The following UBE3C variants were observed in gnomAD, a reference collection of about 807,000 sequenced individuals.
UBE3C encodes ubiquitin-protein ligase E3C.
Under a neutral mutation model 129.4 loss-of-function variants are expected in UBE3C, and 42 were observed. The observed-to-expected ratio is 0.32, with a 90% CI of 0.25 to 0.42. UBE3C has a LOEUF of 0.42. Ranked by LOEUF, UBE3C falls within the 10% of genes least tolerant of loss-of-function variation. The pLI is 1.00. For missense variants in UBE3C, 1,049 were observed against 1,319.1 expected (o/e 0.80, Z 3.17); for synonymous variants, 510 against 492.4 (o/e 1.04, Z -0.47).
intron 22 of UBE3C, among the ~76,000 whole-genome samples, chr7:157,265,032 C>T (rs1797039733): frequency 6.6e-6 from 1 of 152,080 alleles, no homozygotes; most frequent in African/African-American, 2.4e-5. Flanking sequence ...AGTTTACTTT[C>T]TGTTTTTTAG....
chr7:157,242,412 C>T (rs1796355296), intron 18 of UBE3C, among the ~76,000 whole-genome samples: 1 of 151,864 alleles, frequency 6.6e-6, no homozygotes, highest in African/African-American at 2.4e-5. Flanking sequence ...TTTTATTCTC[C>T]TATATGGCAA....
At chr7:157,251,873 G>A (rs920607491) in intron 19 of UBE3C, among the ~76,000 whole-genome samples, 3 of 152,232 alleles carry the variant, frequency 2.0e-5, no homozygotes, top group South Asian at 2.1e-4. Context: ...AGTGGCTCAC[G>A]GCTGTAATCC....
At chr7:157,140,410 G>C (rs1807410142) in intron 1 of UBE3C, among the ~76,000 whole-genome samples, 1 of 152,170 alleles carries the variant, frequency 6.6e-6, no homozygotes. Context: ...TAATTTTTCA[G>C]CTTTGAGGTT....
At chr7:157,257,931 C>A (rs551769656) in intron 22 of UBE3C, among the ~76,000 whole-genome samples, 5 of 147,376 alleles carry the variant, frequency 3.4e-5, no homozygotes, top group African/African-American at 1.3e-4. Flanking sequence ...CATTCACTTT[C>A]TTTTTTCCTT....
chr7:157,238,101 A>G (rs1426189914), intron 18 of UBE3C, among the ~76,000 whole-genome samples: 1 of 152,196 alleles, frequency 6.6e-6, no homozygotes, highest in Non-Finnish European at 1.5e-5. Context: ...TTAAATATTC[A>G]ATTTAATTTA....
chr7:157,192,461 G>A, intron 10 of UBE3C: 1 of 749,760 alleles, frequency 1.3e-6, no homozygotes, highest in Non-Finnish European at 2.5e-6. Flanking sequence ...CAAGATCCAG[G>A]ATAAGGAAGG....
intron 1 of UBE3C, among the ~76,000 whole-genome samples, chr7:157,156,698 A>C (rs1047229164): frequency 2.8e-5 from 4 of 141,376 alleles, no homozygotes; most frequent in Non-Finnish European, 4.5e-5. Flanking sequence ...ATAGGTGTGT[A>C]AATTCCCTTC....
intron 17 of UBE3C, among the ~76,000 whole-genome samples, chr7:157,227,921 A>G (rs760615855): frequency 5.9e-5 from 9 of 152,204 alleles, no homozygotes; most frequent in Non-Finnish European, 1.0e-4. Context: ...ATCTTTATAA[A>G]TGTTCTCAAC....
chr7:157,264,542 T>C (rs1178087116), intron 22 of UBE3C, among the ~76,000 whole-genome samples: 1 of 151,392 alleles, frequency 6.6e-6, no homozygotes, highest in Non-Finnish European at 1.5e-5. Flanking sequence ...CACCTGGTAT[T>C]ACAGGTGTGA....
intron 14 of UBE3C, among the ~76,000 whole-genome samples, chr7:157,219,562 A>C (rs113986369): frequency 0.013 from 1,972 of 152,242 alleles, 35 homozygotes; most frequent in African/African-American, 0.045. Flanking sequence ...AATTAGCAAA[A>C]TCTAGATTAT....
chr7:157,231,186 A>G lies in UBE3C; in HGVS notation c.2340A>G (p.Leu780=), dbSNP rs1236882096. ...GGIFREFLNE[L]LKSGFNPNQG... is the part of the protein sequence containing the mutation. Reference sequence around the variant, plus strand: ...TTTTCAGAGAGTTTTTAAATGAACTACTGAAGTCAGGATTTAACCCCAACC... The same window carrying G: ...TTTTCAGAGAGTTTTTAAATGAACTGCTGAAGTCAGGATTTAACCCCAACC... Residue 780 remains leucine, a synonymous_variant, in exon 18 of 23, where the codon CTA becomes CTG. Coordinates refer to ENST00000348165, the MANE Select transcript of UBE3C (RefSeq NM_014671.3). 4 of 1,614,022 alleles carry G rather than the reference A, an allele frequency of 2.5e-6. No homozygotes were observed. Among genetic ancestry groups the G allele is most frequent in the East Asian group, 2.2e-5 (1 of 44,894 alleles).
intron 10 of UBE3C, among the ~76,000 whole-genome samples, chr7:157,199,444 A>T (rs1026625579): frequency 6.6e-6 from 1 of 151,826 alleles, no homozygotes; most frequent in South Asian, 2.1e-4. Context: ...AGTCTTTTTC[A>T]GAGTGAATTT....
chr7:157,236,154 G>T (rs915274588), intron 18 of UBE3C, among the ~76,000 whole-genome samples: 2 of 152,190 alleles, frequency 1.3e-5, no homozygotes, highest in Non-Finnish European at 2.9e-5. Context: ...TCTGGTGTGG[G>T]TCATGATTGC....
chr7:157,264,148 G>A (rs1004054072), intron 22 of UBE3C, among the ~76,000 whole-genome samples: 1 of 146,656 alleles, frequency 6.8e-6, no homozygotes, highest in South Asian at 2.2e-4. Context: ...CACACACCTG[G>A]TATTACAGGT....
Position 157,210,686 on chromosome 7 carries a change from G to C in UBE3C, c.1809+2751G>C, listed in dbSNP as rs750159597. ...GTGCCAAATTTGAGTTGAAGAATTC[G>C]AGGTAGAATCAACCAAAGAACGCAG... is the stretch of plus-strand genomic sequence containing the variant. On this transcript the variant is annotated intron_variant, in intron 13 of 22. Transcript: ENST00000348165. Among the ~76,000 whole-genome samples the C allele has an allele frequency of 8.5e-5, 13 of 152,202 alleles. 1 individual carries two copies. Among genetic ancestry groups the C allele is most frequent in the Non-Finnish European group, 1.5e-5 (1 of 68,042 alleles).
At chr7:157,261,868 T>A (rs144090192) in intron 22 of UBE3C, among the ~76,000 whole-genome samples, 199 of 152,354 alleles carry the variant, frequency 1.3e-3, no homozygotes, top group Non-Finnish European at 2.3e-3. Context: ...TTTCTCACTC[T>A]GAATTAATGC....
At chr7:157,170,882 C>T (rs1016902392) in intron 4 of UBE3C, among the ~76,000 whole-genome samples, 7 of 152,102 alleles carry the variant, frequency 4.6e-5, no homozygotes, top group African/African-American at 1.7e-4. Flanking sequence ...GGGTCTTACT[C>T]AGTTGTCTTG....
chr7:157,263,509 C>T (rs375894842), intron 22 of UBE3C, among the ~76,000 whole-genome samples: 33 of 152,166 alleles, frequency 2.2e-4, no homozygotes, highest in African/African-American at 7.9e-4. Context: ...ACTAAAAATA[C>T]AAAAATTAGC....
chr7:157,147,065 C>G (rs1807625464), intron 1 of UBE3C, among the ~76,000 whole-genome samples: 1 of 151,536 alleles, frequency 6.6e-6, no homozygotes, highest in Non-Finnish European at 1.5e-5. Flanking sequence ...TTGATATTCA[C>G]AAAAAAAACC....
Sources: gnomAD v4.1 joint callset for allele counts (sites outside exome capture counted in the v4.1 genomes callset) on GRCh38, gnomAD v4.1.1 for gene constraint, MANE v1.5 for transcripts, NCBI Gene and HGNC (gene_info 2026-07-23, HGNC 2026-07-21) for gene names.